Variants in SAMD8 observed in about 807,000 individuals in gnomAD.
SAMD8 encodes the protein sphingomyelin synthase-related protein 1.
SAMD8 carries 20 observed loss-of-function variants against 42.0 expected under a neutral mutation model. The ratio of observed to expected loss-of-function variants is 0.48; its 90% CI spans 0.34 to 0.69. The LOEUF (loss-of-function observed/expected upper bound fraction) is 0.69. Ranked by LOEUF, SAMD8 falls within the 30% of genes least tolerant of loss-of-function variation. The pLI is 0.01. For synonymous variants in SAMD8, 162 were observed against 173.0 expected (o/e 0.94, Z 0.50); for missense variants, 328 against 511.6 (o/e 0.64, Z 3.46).
chr10:75,147,333 T>A (rs189925984), intron 1 of SAMD8, among the ~76,000 whole-genome samples: 32 of 152,294 alleles, frequency 2.1e-4, no homozygotes, highest in African/African-American at 2.2e-4. Flanking sequence ...TTATTTATTT[T>A]TTTTTATTTT....
upstream of SAMD8, among the ~76,000 whole-genome samples, chr10:75,109,552 G>C (rs1208372797): frequency 6.6e-6 from 1 of 152,164 alleles, no homozygotes; most frequent in Non-Finnish European, 1.5e-5. Context: ...AGGTTCTGAG[G>C]ACTGAGTTAA....
intron 1 of SAMD8, among the ~76,000 whole-genome samples, chr10:75,123,917 G>T (rs955877002): frequency 4.6e-5 from 7 of 152,116 alleles, no homozygotes; most frequent in African/African-American, 1.7e-4. Context: ...TAGTAGAGAC[G>T]GAGTTTCACC....
chr10:75,150,579 A>C lies in SAMD8; in HGVS notation c.51A>C (p.Val17=), dbSNP rs760714176. 31 of 1,614,048 alleles carry C rather than the reference A, an allele frequency of 1.9e-5. No homozygotes were observed. The highest frequency in any genetic ancestry group is 1.6e-4 in the Middle Eastern group (1 of 6,084). Residue 17 remains valine (V), a synonymous_variant, in exon 2 of 6, where the codon GTA becomes GTC. Coordinates refer to ENST00000542569, the MANE Select transcript of SAMD8 (RefSeq NM_001174156.2). The stretch of plus-strand genomic sequence containing the variant: ...TTCGCCGCTGGACTACCAAGCATGT[A>C]GCTGTGTGGCTGAAGGATGAAGGCT... The part of the protein sequence containing the change: ...LCIRRWTTKH[V]AVWLKDEGFF...
chr10:75,172,524 G>A (rs1455154030), intron 4 of SAMD8, among the ~76,000 whole-genome samples: 10 of 151,198 alleles, frequency 6.6e-5, no homozygotes, highest in Non-Finnish European at 1.5e-4. Context: ...TTTAGACGGA[G>A]TCTTTCTCTG....
At chr10:75,139,126 A>T (rs976102323) in intron 1 of SAMD8, among the ~76,000 whole-genome samples, 3 of 150,880 alleles carry the variant, frequency 2.0e-5, no homozygotes, top group Non-Finnish European at 4.4e-5. Flanking sequence ...ACGCCCGATT[A>T]ATTTTTTTTT....
At chr10:75,143,347 G>C (rs1451382164) in intron 1 of SAMD8, among the ~76,000 whole-genome samples, 1 of 152,100 alleles carries the variant, frequency 6.6e-6, no homozygotes, top group Admixed American at 6.6e-5. Context: ...AAGAAAAAAT[G>C]TATATATTTA....
intron 1 of SAMD8, among the ~76,000 whole-genome samples, chr10:75,112,749 T>A (rs1589928022): frequency 1.3e-5 from 2 of 152,218 alleles, no homozygotes; most frequent in East Asian, 3.9e-4. Flanking sequence ...CTTTGGATAC[T>A]CAGATTTTAA....
At chr10:75,108,231 C>T (rs372179179), upstream of SAMD8, 6 of 1,575,022 alleles carry the variant, frequency 3.8e-6, no homozygotes, top group South Asian at 4.7e-5. Context: ...AGGAAGGGCA[C>T]TTGATGCCGG....
upstream of SAMD8, among the ~76,000 whole-genome samples, chr10:75,110,363 A>C (rs1053551472): frequency 8.5e-5 from 13 of 152,212 alleles, no homozygotes; most frequent in Admixed American, 2.0e-4. Context: ...GCTGGTTATC[A>C]GCAAGAGAGA....
At position 75,102,528 on chromosome 10, in the gene SAMD8, C is replaced by A. The variant is rs10128220; in HGVS notation, c.-16+2800C>A. ...TAAACCATTTTAAAAGGTCCCTTGG[C>A]CGGATGCAGTGGCTAATGCCTATAA... is the stretch of plus-strand genomic sequence containing the variant. On this transcript the variant is annotated intron_variant, in intron 1 of 3. Coordinates refer to the SAMD8 transcript ENST00000447533. 7.1e-3 allele frequency among the ~76,000 whole-genome samples: 1,077 copies of A among 152,350 alleles called. 16 individuals are homozygous for A. Among genetic ancestry groups the A allele is most frequent in the African/African-American group, 0.025 (1,029 of 41,592 alleles).
At chr10:75,135,421 C>G (rs1849371628) in intron 1 of SAMD8, among the ~76,000 whole-genome samples, 3 of 146,244 alleles carry the variant, frequency 2.1e-5, no homozygotes, top group African/African-American at 7.6e-5. Context: ...TCACTGCACT[C>G]CAGCCTGGGC....
chr10:75,128,073 A>ATTTTTTTTTTTTTTT (rs11353511), intron 1 of SAMD8, among the ~76,000 whole-genome samples: 2 of 119,260 alleles, frequency 1.7e-5, no homozygotes, highest in Non-Finnish European at 3.5e-5. Flanking sequence ...TTCTTCTTTA[A>ATTTTTTTTTTTTTTT]TTTTTTTTTT....
rs547062231 is a variant in SAMD8, at chr10:75,144,997, A to T, written c.-15-5517A>T. Reference sequence around the variant, plus strand: ...TACATTTATTGCTCTTACCTTCTGCAGTGGCTCAGCAGCTGTTAGTCCCAT... The same window carrying T: ...TACATTTATTGCTCTTACCTTCTGCTGTGGCTCAGCAGCTGTTAGTCCCAT... On this transcript the variant is annotated intron_variant, in intron 1 of 5. Transcript: ENST00000542569. 3.9e-5 allele frequency among the ~76,000 whole-genome samples: 6 copies of T among 152,314 alleles called. No individual in the cohort carries two copies. In the South Asian group the frequency reaches 1.2e-3, roughly 32 times the overall value.
intron 1 of SAMD8, among the ~76,000 whole-genome samples, chr10:75,101,601 C>T (rs941746010): frequency 2.0e-5 from 3 of 152,300 alleles, no homozygotes; most frequent in East Asian, 1.9e-4. Flanking sequence ...TTATCATCCC[C>T]ATTTTACAGA....
intron 1 of SAMD8, among the ~76,000 whole-genome samples, chr10:75,115,169 G>C (rs562265687): frequency 6.6e-6 from 1 of 152,148 alleles, no homozygotes; most frequent in African/African-American, 2.4e-5. Flanking sequence ...GCAAAATGCC[G>C]TATCTTTAAT....
chr10:75,137,148 AT>A (rs1285971932), intron 1 of SAMD8, among the ~76,000 whole-genome samples: 2 of 152,244 alleles, frequency 1.3e-5, no homozygotes, highest in African/African-American at 2.4e-5. Flanking sequence ...ATTATTCACA[AT>A]AGCCAGAAGA....
At chr10:75,164,790 A>G in intron 3 of SAMD8, 50 bp downstream of exon 3, 2 of 1,275,886 alleles carry the variant, frequency 1.6e-6, no homozygotes, top group African/African-American at 1.5e-5. Context: ...CTCCTGTATC[A>G]AGATCATAAA....
intron 3 of SAMD8, among the ~76,000 whole-genome samples, chr10:75,165,459 A>G (rs1359593338): frequency 6.6e-6 from 1 of 151,842 alleles, no homozygotes; most frequent in Non-Finnish European, 1.5e-5. Context: ...TCACGAGGTC[A>G]GGAGATTGAG....
At chr10:75,175,793 C>T (rs1840978789) in intron 4 of SAMD8, 1 of 691,724 alleles carries the variant, frequency 1.4e-6, no homozygotes, top group African/African-American at 1.9e-5. Context: ...AGGTGATCCA[C>T]CCACCTCAGC....
Sources: allele counts gnomAD v4.1 joint callset (sites outside exome capture counted in the v4.1 genomes callset), GRCh38; gene constraint gnomAD v4.1.1; transcripts MANE v1.5; gene names NCBI Gene and HGNC (gene_info 2026-07-23, HGNC 2026-07-21).